FSTL5: variants seen among roughly 807,000 people sequenced by gnomAD.
FSTL5 encodes follistatin like 5.
FSTL5 carries 62 observed loss-of-function variants against 89.1 expected under a neutral mutation model. The observed-to-expected ratio is 0.70, with a 90% CI of 0.57 to 0.86. The LOEUF (loss-of-function observed/expected upper bound fraction) is 0.86. FSTL5 is among the 40% of genes least tolerant of loss of function. FSTL5 has a pLI of 0.00. For missense variants in FSTL5, 1,057 were observed against 1,001.6 expected (o/e 1.06, Z -0.75); for synonymous variants, 383 against 346.2 (o/e 1.11, Z -1.18).
At chr4:161,624,733 A>C (rs1437488806) in intron 7 of FSTL5, among the ~76,000 whole-genome samples, 1 of 152,146 alleles carries the variant, frequency 6.6e-6, no homozygotes, top group Admixed American at 6.6e-5. Context: ...AATGAGGAAG[A>C]ACGATACTAT....
intron 13 of FSTL5, among the ~76,000 whole-genome samples, chr4:161,476,855 A>C (rs1420207593): frequency 6.6e-6 from 1 of 152,176 alleles, no homozygotes; most frequent in Admixed American, 6.5e-5. Flanking sequence ...CAGAAGTGTC[A>C]ATCAACAATC....
chr4:162,041,610 T>C (rs370592279), intron 2 of FSTL5, among the ~76,000 whole-genome samples: 1 of 152,152 alleles, frequency 6.6e-6, no homozygotes, highest in African/African-American at 2.4e-5. Context: ...TTGCTTCTTA[T>C]TGTATATTCA....
At chr4:161,608,262 C>T (rs1441997533) in intron 7 of FSTL5, among the ~76,000 whole-genome samples, 2 of 152,070 alleles carry the variant, frequency 1.3e-5, no homozygotes, top group Non-Finnish European at 2.9e-5. Context: ...TCTAATTTTG[C>T]ACATATTAAA....
chr4:161,879,748 T>A (rs1335324972), intron 4 of FSTL5, among the ~76,000 whole-genome samples: 1 of 152,212 alleles, frequency 6.6e-6, no homozygotes, highest in African/African-American at 2.4e-5. Flanking sequence ...TGTCATCTTA[T>A]GTGAAGGACC....
chr4:161,792,678 G>A (rs527326275), intron 4 of FSTL5, among the ~76,000 whole-genome samples: 2 of 152,142 alleles, frequency 1.3e-5, no homozygotes, highest in African/African-American at 4.8e-5. Context: ...TCCCCTGAGG[G>A]CTGCAGGCTC....
chr4:162,077,103 T>G (rs1043687942), intron 2 of FSTL5, among the ~76,000 whole-genome samples: 1 of 151,846 alleles, frequency 6.6e-6, no homozygotes, highest in Admixed American at 6.6e-5. Context: ...AAAATATATT[T>G]GTTGGCTTAT....
intron 6 of FSTL5, among the ~76,000 whole-genome samples, chr4:161,666,216 TCATTAA>T: frequency 6.6e-6 from 1 of 152,118 alleles, no homozygotes; most frequent in Non-Finnish European, 1.5e-5. Context: ...TTTAAACAAC[TCATTAA>T]CAAAACAATC....
intron 6 of FSTL5, among the ~76,000 whole-genome samples, chr4:161,669,111 C>CAA (rs33950474): frequency 0.18 from 18,965 of 104,220 alleles, 1,776 homozygotes; most frequent in Non-Finnish European, 0.24. Flanking sequence ...GACTCTGTCT[C>CAA]AAAAAAAAAA....
intron 7 of FSTL5, among the ~76,000 whole-genome samples, chr4:161,600,158 A>AACACACACACACACACAC (rs71598717): frequency 6.7e-4 from 95 of 142,058 alleles, no homozygotes; most frequent in Admixed American, 3.3e-3. Context: ...AATGTCAATA[A>AACACACACACACACACAC]ACACACACAC....
intron 3 of FSTL5, among the ~76,000 whole-genome samples, chr4:161,974,012 CT>C (rs1735560433): frequency 6.6e-6 from 1 of 152,090 alleles, no homozygotes; most frequent in African/African-American, 2.4e-5. Flanking sequence ...TTCACAATTG[CT>C]TCAAAGAGAA....
chr4:161,487,383 A>G (rs1427746430), intron 12 of FSTL5, among the ~76,000 whole-genome samples: 1 of 152,196 alleles, frequency 6.6e-6, no homozygotes, highest in Non-Finnish European at 1.5e-5. Context: ...AACTGCTGCC[A>G]GTTGGCATAC....
At chr4:161,573,227 T>C (rs1179218682) in intron 8 of FSTL5, among the ~76,000 whole-genome samples, 2 of 151,644 alleles carry the variant, frequency 1.3e-5, no homozygotes, top group East Asian at 2.0e-4. Flanking sequence ...CTGGTGAACA[T>C]GGCAAAAACC....
Position 161,711,570 on chromosome 4 carries a change from C to T in FSTL5, c.727+47841G>A, listed in dbSNP as rs534566464. Among the ~76,000 whole-genome samples the T allele has an allele frequency of 1.8e-4, 27 of 152,056 alleles. 1 individual carries two copies. The South Asian group carries it at 5.4e-3, about 30-fold the overall frequency. ...CAGATGTTTTTACTAAAAATTTCTACCAAACATTTTTAAGAATTAACACCA... is the reference window on the plus strand; with the variant it reads ...CAGATGTTTTTACTAAAAATTTCTATCAAACATTTTTAAGAATTAACACCA... On this transcript the variant is annotated intron_variant, in intron 6 of 15. Transcript: ENST00000306100.
chr4:161,490,458 A>G (rs1214705415), intron 12 of FSTL5, among the ~76,000 whole-genome samples: 2 of 152,292 alleles, frequency 1.3e-5, no homozygotes, highest in East Asian at 3.9e-4. Flanking sequence ...AAATGTTGAC[A>G]TGGAAGGATA....
chr4:162,058,219 A>G (rs2111274204), intron 2 of FSTL5, among the ~76,000 whole-genome samples: 1 of 152,154 alleles, frequency 6.6e-6, no homozygotes, highest in East Asian at 1.9e-4. Flanking sequence ...CTTTGATATC[A>G]GTGATGAGGA....
rs75559598 is a variant in FSTL5 at position 162,034,669 on chromosome 4, G to A, written c.127-1011C>T. 3.2e-3 allele frequency among the ~76,000 whole-genome samples: 486 copies of A among 152,154 alleles called. 3 individuals carry two copies. The highest frequency in any genetic ancestry group is 0.011 in the African/African-American group (459 of 41,528). On this transcript the variant is annotated intron_variant, in intron 2 of 15. Transcript: ENST00000306100. ...AGGGTCTCACACTGAAAATAACTTC[G>A]AAATATGTTCCTAAGAAAAAAATGA...
At chr4:162,147,083 T>C (rs1357002062) in intron 1 of FSTL5, among the ~76,000 whole-genome samples, 2 of 152,066 alleles carry the variant, frequency 1.3e-5, no homozygotes, top group Non-Finnish European at 2.9e-5. Context: ...CACCTGGTCC[T>C]AACATCCTTT....
chr4:161,718,519 C>T (rs1345469413), intron 6 of FSTL5, among the ~76,000 whole-genome samples: 1 of 152,064 alleles, frequency 6.6e-6, no homozygotes, highest in Non-Finnish European at 1.5e-5. Flanking sequence ...ACCTCCGCCT[C>T]CCAGGTTCAA....
intron 4 of FSTL5, among the ~76,000 whole-genome samples, chr4:161,836,205 C>CA (rs1731034119): frequency 6.8e-6 from 1 of 146,354 alleles, no homozygotes; most frequent in Non-Finnish European, 1.5e-5. Context: ...ATCGCAAGAA[C>CA]AAAAAAACAA....
Sources: gnomAD v4.1 joint callset for allele counts (sites outside exome capture counted in the v4.1 genomes callset) on GRCh38, gnomAD v4.1.1 for gene constraint, MANE v1.5 for transcripts, NCBI Gene and HGNC (gene_info 2026-07-23, HGNC 2026-07-21) for gene names.